The following NUP133 variants were observed in gnomAD, a reference collection of about 807,000 sequenced individuals.
NUP133 encodes nucleoporin 133.
A neutral mutation model predicts 146.2 loss-of-function variants in NUP133; 66 were observed. The observed-to-expected ratio is 0.45, with a 90% CI of 0.37 to 0.55. NUP133 has a LOEUF of 0.55. Among genes scored for constraint, NUP133 ranks in the 20% least tolerant of loss-of-function variants. The pLI is 0.00. For missense variants in NUP133, 1,277 were observed against 1,374.8 expected (o/e 0.93, Z 1.12); for synonymous variants, 521 against 498.8 (o/e 1.04, Z -0.59).
chr1:229,463,397 A>G (rs1425236043), intron 19 of NUP133, 146 bp downstream of exon 19: 2 of 927,916 alleles, frequency 2.2e-6, no homozygotes, highest in South Asian at 2.0e-5. Context: ...GAAACGCGAC[A>G]TACAAATTAG....
Position 229,466,622 on chromosome 1 carries a change from A to G in NUP133, c.2199+12T>C, listed in dbSNP as rs769195096. The G allele has an allele frequency of 6.9e-5, 112 of 1,613,724 alleles. No individual in the cohort carries two copies. In the East Asian group the frequency reaches 2.4e-3, roughly 35 times the overall value. On this transcript the variant is annotated intron_variant, in intron 16 of 25. Transcript: ENST00000261396. Reference sequence around the variant, plus strand: ...GCTTTGATTTGCTGAAGCCTTTACTATATTTTTGTACCTTGAGAATATTGT... The same window carrying G: ...GCTTTGATTTGCTGAAGCCTTTACTGTATTTTTGTACCTTGAGAATATTGT...
At chr1:229,464,500 T>C in intron 18 of NUP133, 124 bp downstream of exon 18, 3 of 1,131,794 alleles carry the variant, frequency 2.7e-6, no homozygotes, top group South Asian at 1.5e-5. Flanking sequence ...AAGCTGTGCA[T>C]ATTTGCTTTA....
intron 11 of NUP133, 87 bp downstream of exon 11, chr1:229,486,284 T>C: frequency 4.1e-6 from 5 of 1,233,650 alleles, no homozygotes; most frequent in Non-Finnish European, 5.5e-6. Flanking sequence ...ACTGTGCCAC[T>C]GCACTCTAGC....
Position 229,502,095 on chromosome 1 carries a change from G to C in NUP133, c.309C>G (p.Asp103Glu). ...CTTCATCTATGTTAATGGTCAGCTG[G>C]TCATCGACTAAAGGAAAAAATGAGG... ...MEALTLAEVD[D>E]QLTINIDEGG... Residue 103 changes from aspartate to glutamate, a missense_variant, in exon 3 of 26, where the codon GAC (aspartate) becomes GAG (glutamate). This residue lies in a region of NUP133 where 319 missense variants were observed against 306.9 expected (regional missense o/e 1.04). Transcript: ENST00000261396. 6.2e-7 allele frequency: 1 copy of C among 1,612,574 alleles called. No individual in the cohort carries two copies. The highest frequency in any genetic ancestry group is 8.5e-7 in the Non-Finnish European group (1 of 1,178,868).
intron 12 of NUP133, among the ~76,000 whole-genome samples, chr1:229,482,974 A>T (rs1661254840): frequency 6.6e-6 from 1 of 152,230 alleles, no homozygotes; most frequent in Non-Finnish European, 1.5e-5. Flanking sequence ...GCCTACTCCG[A>T]AAAGTAAAAC....
At chr1:229,469,974 C>T (rs1002546700) in intron 15 of NUP133, among the ~76,000 whole-genome samples, 8 of 151,932 alleles carry the variant, frequency 5.3e-5, no homozygotes, top group Non-Finnish European at 1.2e-4. Flanking sequence ...TGCAGTGAGC[C>T]GACATTGCAC....
intron 1 of NUP133, among the ~76,000 whole-genome samples, chr1:229,507,524 AT>A (rs35200464): frequency 0.16 from 23,811 of 152,174 alleles, 2,397 homozygotes; most frequent in Middle Eastern, 0.26. Context: ...TAGCTCACTT[AT>A]GTAAAGCCTT....
At chr1:229,449,334 A>AT in intron 23 of NUP133, 144 bp from the exon 24 acceptor site, 1 of 581,412 alleles carries the variant, frequency 1.7e-6, no homozygotes, top group Non-Finnish European at 3.0e-6. Flanking sequence ...GGTGATGATG[A>AT]TTTTATCAGC....
In NUP133 at chr1:229,498,169, A is replaced by G; in HGVS notation, c.786T>C (p.Leu262=). The change falls in exon 6 of 26, where the codon CTT becomes CTC. Residue 262 remains leucine, a synonymous_variant. Transcript: ENST00000261396. The part of the protein sequence containing the change: ...LSGIGRKVSS[L]FGILSPSSDL... ...CACTACTAGGAGATAAAATTCCAAA[A>G]AGAGAAGAAACTTTTCGACCAATTC... The G allele has an allele frequency of 6.2e-7, 1 of 1,610,508 alleles. No homozygotes were observed. Among genetic ancestry groups the G allele is most frequent in the East Asian group, 2.2e-5 (1 of 44,776 alleles).
rs771153151 is a variant in NUP133 at position 229,452,603 on chromosome 1, G to C, written c.3021C>G (p.Thr1007=). 6.2e-7 allele frequency: 1 copy of C among 1,613,476 alleles called. No homozygotes were observed. Among genetic ancestry groups the C allele is most frequent in the Non-Finnish European group, 8.5e-7 (1 of 1,179,550 alleles). The change falls in exon 22 of 26, where the codon ACC becomes ACG. Residue 1007 remains threonine, a synonymous_variant. Transcript: ENST00000261396. ...EQERFLLHQE[T]LPEQLLAEKQ... ...TCTCCGCCAGCAGCTGTTCAGGTAG[G>C]GTCTCCTGATGCAGTAGAAAGCGCT...
At chr1:229,463,839 T>C (rs1242686464) in intron 18 of NUP133, among the ~76,000 whole-genome samples, 163 bp from the exon 19 acceptor site, 1 of 152,190 alleles carries the variant, frequency 6.6e-6, no homozygotes, top group Non-Finnish European at 1.5e-5. Flanking sequence ...ACAATTCACA[T>C]CAATTTCTTA....
intron 21 of NUP133, among the ~76,000 whole-genome samples, chr1:229,455,415 G>A (rs1465789795): frequency 6.6e-6 from 1 of 152,092 alleles, no homozygotes; most frequent in Non-Finnish European, 1.5e-5. Context: ...ACAAAAATTA[G>A]CCGGGCATGG....
At chr1:229,445,035 A>G in intron 24 of NUP133, 33 bp from the exon 25 acceptor site, 4 of 1,407,704 alleles carry the variant, frequency 2.8e-6, no homozygotes, top group Non-Finnish European at 4.0e-6. Context: ...GGGAAAAATG[A>G]AATCACTGAT....
chr1:229,506,882 C>T (rs930785695), intron 1 of NUP133, among the ~76,000 whole-genome samples: 5 of 149,934 alleles, frequency 3.3e-5, no homozygotes, highest in African/African-American at 4.9e-5. Flanking sequence ...GAACAGGTTA[C>T]GAGCATCAGC....
chr1:229,481,811 G>A (rs938973868), intron 12 of NUP133, among the ~76,000 whole-genome samples: 1 of 152,140 alleles, frequency 6.6e-6, no homozygotes, highest in Non-Finnish European at 1.5e-5. Flanking sequence ...CCGGAGCTGA[G>A]AGAGGTGAAG....
intron 17 of NUP133, 59 bp downstream of exon 17, chr1:229,465,361 A>G (rs938202712): frequency 3.7e-6 from 5 of 1,357,746 alleles, no homozygotes; most frequent in Admixed American, 1.8e-5. Flanking sequence ...CACAACTTCT[A>G]AAAATGATGG....
chr1:229,451,189 A>C (rs1488354373), intron 22 of NUP133: 1 of 152,120 alleles, frequency 6.6e-6, no homozygotes, highest in East Asian at 1.9e-4. Flanking sequence ...CCTTGAGAAC[A>C]GGAGTTCGAG....
intron 11 of NUP133, among the ~76,000 whole-genome samples, chr1:229,484,743 T>C (rs1454141370): frequency 6.6e-6 from 1 of 152,188 alleles, no homozygotes; most frequent in Non-Finnish European, 1.5e-5. Context: ...TACTATAAAA[T>C]TGCTTCAGAA....
intron 19 of NUP133, among the ~76,000 whole-genome samples, chr1:229,461,817 A>G (rs1168495722): frequency 6.6e-6 from 1 of 152,192 alleles, no homozygotes; most frequent in Non-Finnish European, 1.5e-5. Context: ...TTTTAAAATC[A>G]TGATCAGTGC....
Sources: allele counts gnomAD v4.1 joint callset (sites outside exome capture counted in the v4.1 genomes callset), GRCh38; gene constraint gnomAD v4.1.1; regional missense constraint gnomAD v4.1.1; transcripts MANE v1.5; gene names NCBI Gene and HGNC (gene_info 2026-07-23, HGNC 2026-07-21).